Variants in MLLT10 observed in about 807,000 individuals in gnomAD.
The protein encoded by MLLT10 is MLLT10 histone lysine methyltransferase DOT1L cofactor.
In MLLT10, 30 loss-of-function variants were observed where a neutral mutation model predicts 129.1. The observed-to-expected ratio is 0.23, with a 90% CI of 0.17 to 0.32. The LOEUF (loss-of-function observed/expected upper bound fraction) is 0.32, where lower values mean the gene tolerates loss of function less well. MLLT10 is among the 10% of genes least tolerant of loss of function. The pLI is 1.00. For synonymous variants in MLLT10, 490 were observed against 446.4 expected (o/e 1.10, Z -1.23); for missense variants, 1,119 against 1,268.3 (o/e 0.88, Z 1.79).
intron 8 of MLLT10, chr10:21,624,751 T>A: frequency 8.2e-7 from 1 of 1,223,912 alleles, no homozygotes; most frequent in Non-Finnish European, 1.2e-6. Context: ...TGGAATCAGG[T>A]TGGTTGTAAG....
intron 3 of MLLT10, among the ~76,000 whole-genome samples, chr10:21,554,024 T>G (rs893983120): frequency 1.2e-4 from 19 of 152,230 alleles, no homozygotes; most frequent in African/African-American, 4.6e-4. Flanking sequence ...AACCTGGTTA[T>G]TCTGATACTC....
Position 21,727,916 on chromosome 10 carries a change from G to T in MLLT10, c.2051G>T (p.Ser684Ile). The T allele has an allele frequency of 6.2e-7, 1 of 1,614,002 alleles. No individual in the cohort carries two copies. Among genetic ancestry groups the T allele is most frequent in the Non-Finnish European group, 8.5e-7 (1 of 1,179,964 alleles). The change falls in exon 16 of 23, where the codon AGT becomes ATT. Residue 684 changes from serine (S) to isoleucine (I), a missense_variant. Transcript: ENST00000307729. ...LVGRGSSPRG[S>I]LSPRSPVSSL... is the part of the protein sequence containing the mutation. ...GGCAGAGGAAGCTCACCCCGAGGAA[G>T]TCTCTCGCCACGGTAAGCGCTATTT...
rs1377143162 is a variant in MLLT10 at position 21,742,015 on chromosome 10, T to C, written c.*32T>C. On this transcript the variant is annotated 3_prime_UTR_variant, in exon 23 of 23. Coordinates refer to ENST00000307729, the MANE Select transcript of MLLT10 (RefSeq NM_001195626.3). ...AGAAACATCTAGAAATTGCCTATCC[T>C]GCTGTTCTAGCACTTCATCTGGCTG... 7 of 1,608,090 alleles carry C rather than the reference T, an allele frequency of 4.4e-6. No homozygotes were observed. The Admixed American group carries it at 1.2e-4, about 27-fold the overall frequency.
intron 14 of MLLT10, among the ~76,000 whole-genome samples, chr10:21,719,271 T>A (rs532722413): frequency 6.6e-6 from 1 of 152,298 alleles, no homozygotes; most frequent in South Asian, 2.1e-4. Flanking sequence ...TGGGGTGATA[T>A]TTATGTTTAT....
At chr10:21,676,309 C>T (rs1361865195) in intron 11 of MLLT10, among the ~76,000 whole-genome samples, 1 of 151,344 alleles carries the variant, frequency 6.6e-6, no homozygotes, top group African/African-American at 2.4e-5. Context: ...CCTAGCTACT[C>T]GGAGAGGCTG....
At chr10:21,659,624 CCTCACCCTCCCGAGTAG>C (rs1407791760) in intron 9 of MLLT10, among the ~76,000 whole-genome samples, 18 of 151,262 alleles carry the variant, frequency 1.2e-4, no homozygotes, top group African/African-American at 4.1e-4. Context: ...GATTCTCATG[CCTCACCCTCCCGAGTAG>C]CTGGAATTAT....
chr10:21,572,218 G>T (rs1410487399), intron 3 of MLLT10, among the ~76,000 whole-genome samples: 1 of 152,116 alleles, frequency 6.6e-6, no homozygotes, highest in East Asian at 1.9e-4. Flanking sequence ...TGCATAAGTG[G>T]GATATCTTTC....
chr10:21,534,317 C>CCA lies in MLLT10; in HGVS notation c.-203_-202insAC, dbSNP rs1554774991. 5.1e-6 allele frequency: 2 copies of CCA among 394,884 alleles called. No individual in the cohort carries two copies. Among genetic ancestry groups the CCA allele is most frequent in the Non-Finnish European group, 9.0e-6 (2 of 222,512 alleles). The allele number at this position is 394,884 out of a possible 1,614,324, so 24.5% of individuals were successfully genotyped here. On this transcript the variant is annotated 5_prime_UTR_variant, in exon 1 of 23. Transcript: ENST00000307729. ...CTGGCCCAGCGGGAGCCCCCCCTCC[C>CCA]CCCAGTGCGCCTGTGCGGAGGCCCT... is the stretch of plus-strand genomic sequence containing the variant.
intron 3 of MLLT10, among the ~76,000 whole-genome samples, chr10:21,558,030 A>G (rs571103509): frequency 2.8e-5 from 4 of 144,162 alleles, no homozygotes; most frequent in Non-Finnish European, 6.0e-5. Flanking sequence ...GCTCACTGCA[A>G]CCCCTGCCTC....
intron 11 of MLLT10, among the ~76,000 whole-genome samples, chr10:21,680,483 G>A (rs573520551): frequency 6.6e-6 from 1 of 152,070 alleles, no homozygotes; most frequent in African/African-American, 2.4e-5. Context: ...TTACAGGCAT[G>A]AGCCACCACA....
At chr10:21,653,476 T>TCTTA (rs938954754) in intron 9 of MLLT10, among the ~76,000 whole-genome samples, 3 of 152,220 alleles carry the variant, frequency 2.0e-5, no homozygotes, top group African/African-American at 7.2e-5. Context: ...GTTGAATTCC[T>TCTTA]CTTACACTTG....
intron 3 of MLLT10, among the ~76,000 whole-genome samples, chr10:21,554,282 T>C (rs1203483308): frequency 6.6e-6 from 1 of 152,182 alleles, no homozygotes; most frequent in African/African-American, 2.4e-5. Context: ...TTTACTCTAT[T>C]TTCTGAGGTG....
At position 21,730,921 on chromosome 10, in the gene MLLT10, G is replaced by C; in HGVS notation, c.2085G>C (p.Gln695His). Reference protein sequence around the residue: ...LSPRSPVSSLQIRYDQPGNSS... With the variant: ...LSPRSPVSSLHIRYDQPGNSS... ...ACAGATCCCCTGTAAGCAGCTTACA[G>C]ATTCGCTATGATCAACCAGGCAACA... Residue 695 changes from glutamine to histidine, a missense_variant, in exon 17 of 23, where the codon CAG (glutamine) becomes CAC (histidine). Physicochemically the swap from Gln to His is conservative, Grantham distance 24. Transcript: ENST00000307729. 2 of 1,614,200 alleles carry C rather than the reference G, an allele frequency of 1.2e-6. No homozygotes were observed. The highest frequency in any genetic ancestry group is 1.7e-6 in the Non-Finnish European group (2 of 1,180,038).
chr10:21,545,969 T>G (rs930300844), intron 3 of MLLT10, among the ~76,000 whole-genome samples: 1 of 152,188 alleles, frequency 6.6e-6, no homozygotes, highest in East Asian at 1.9e-4. Context: ...GCCTGGCCTA[T>G]TTTTTATTTA....
At chr10:21,560,216 G>C (rs1251545181) in intron 3 of MLLT10, among the ~76,000 whole-genome samples, 1 of 152,116 alleles carries the variant, frequency 6.6e-6, no homozygotes, top group Non-Finnish European at 1.5e-5. Flanking sequence ...TGTTGGTCAG[G>C]CTGGTCTCGA....
At chr10:21,599,405 A>G (rs2043309053) in intron 5 of MLLT10, among the ~76,000 whole-genome samples, 1 of 152,142 alleles carries the variant, frequency 6.6e-6, no homozygotes, top group Non-Finnish European at 1.5e-5. Flanking sequence ...ATATACATAC[A>G]CACACTAATC....
At position 21,733,059 on chromosome 10, in the gene MLLT10, T is replaced by G. The variant is rs753653032; in HGVS notation, c.2379T>G (p.His793Gln). Reference protein sequence around the residue: ...PTITANPSPSHQIHTFSAQTA... With the variant: ...PTITANPSPSQQIHTFSAQTA... ...TAACAGCAAATCCTAGTCCGTCTCA[T>G]CAAATACACACATTTTCAGCACAGA... Residue 793 changes from histidine (H) to glutamine (Q), a missense_variant, in exon 18 of 23, where the codon CAT becomes CAG. Coordinates refer to ENST00000307729, the MANE Select transcript of MLLT10 (RefSeq NM_001195626.3). 2.5e-6 allele frequency: 4 copies of G among 1,612,060 alleles called. No homozygotes were observed. The South Asian group carries it at 4.4e-5, about 18-fold the overall frequency.
intron 8 of MLLT10, among the ~76,000 whole-genome samples, chr10:21,638,757 C>A (rs1031847341): frequency 1.3e-5 from 2 of 152,066 alleles, no homozygotes; most frequent in Non-Finnish European, 2.9e-5. Flanking sequence ...GAGTGCACAT[C>A]CCCATCTCTA....
At chr10:21,651,050 T>C (rs1427522882) in intron 8 of MLLT10, among the ~76,000 whole-genome samples, 1 of 69,920 alleles carries the variant, frequency 1.4e-5, no homozygotes, top group East Asian at 2.1e-4. Flanking sequence ...TTGTTTTGTT[T>C]TGTTTTGTTT....
Sources: gnomAD v4.1 joint callset for allele counts (sites outside exome capture counted in the v4.1 genomes callset) on GRCh38, gnomAD v4.1.1 for gene constraint, MANE v1.5 for transcripts, NCBI Gene and HGNC (gene_info 2026-07-23, HGNC 2026-07-21) for gene names.